XAB2: variants seen among roughly 807,000 people sequenced by gnomAD.
XAB2 encodes the protein XPA binding protein 2.
In XAB2, 57 loss-of-function variants were observed where a neutral mutation model predicts 113.4. That is an observed-to-expected ratio of 0.50 (90% CI 0.41 to 0.63). The LOEUF (loss-of-function observed/expected upper bound fraction) is 0.63, where lower values mean the gene tolerates loss of function less well. Among genes scored for constraint, XAB2 ranks in the 20% least tolerant of loss-of-function variants. XAB2 has a pLI of 0.00. For missense variants in XAB2, 1,037 were observed against 1,233.3 expected, an observed-to-expected ratio of 0.84 and a Z score of 2.38; for synonymous variants, 497 against 498.8, an observed-to-expected ratio of 1.00 and a Z score of 0.05.
Position 7,620,294 on chromosome 19 carries a change from C to G in XAB2, c.2247G>C (p.Ser749=). 6.2e-7 allele frequency: 1 copy of G among 1,613,472 alleles called. No homozygotes were observed. The highest frequency in any genetic ancestry group is 8.5e-7 in the Non-Finnish European group (1 of 1,180,010). ...NFMASQMLKV[S]GSATGTVSDL... The stretch of plus-strand genomic sequence containing the variant: ...GCTCACCGGTGCCCGTGGCACTGCC[C>G]GAGACCTTGAGCATCTGCGAGGCCA... The change falls in exon 16 of 19, where the codon TCG becomes TCC. Residue 749 remains serine (S), a synonymous_variant. Transcript: ENST00000358368.
rs1269020298 is a variant in XAB2 at position 7,623,927 on chromosome 19, C to T, written c.968-45G>A. 8.7e-6 allele frequency: 13 copies of T among 1,497,612 alleles called. No homozygotes were observed. The East Asian group carries it at 3.0e-4, about 34-fold the overall frequency. The allele number at this position is 1,497,612 out of a possible 1,614,324, so 92.8% of individuals were successfully genotyped here. A position where few individuals can be genotyped will look rare whatever the true frequency, so the allele number is the denominator to read the frequency against. ...TTGTCAGGGGCGGAGACCCAGGATG[C>T]AGGTCCCCGGATGCCACCGCCTCCA... On this transcript the variant is annotated intron_variant, in intron 7 of 18. Coordinates refer to ENST00000358368, the MANE Select transcript of XAB2 (RefSeq NM_020196.3). This position sits in a 1 kb window ranked among gnomAD's most constrained non-coding sequence, Gnocchi z 4.6.
At position 7,624,499 on chromosome 19, in the gene XAB2, A is replaced by G. The variant is rs949731072; in HGVS notation, c.823-54T>C. 10 of 1,610,780 alleles carry G rather than the reference A, an allele frequency of 6.2e-6. No individual in the cohort carries two copies. In the Admixed American group the frequency reaches 1.3e-4, roughly 21 times the overall value. ...GAGGAAAGTGGCGCAGGGGACAGGC[A>G]GCAGCACTCTTAGCACCAGCCTCAA... On this transcript the variant is annotated intron_variant, in intron 6 of 18. Coordinates refer to ENST00000358368, the MANE Select transcript of XAB2 (RefSeq NM_020196.3). The surrounding 1 kb of genome is among the most constrained non-coding windows in gnomAD (Gnocchi z 4.2).
In XAB2 at chr19:7,623,058, GCA is replaced by G. The variant is rs2031068967; in HGVS notation, c.1239+110_1239+111del. 1 of 1,559,134 alleles carries G rather than the reference GCA, an allele frequency of 6.4e-7. No individual in the cohort carries two copies. The highest frequency in any genetic ancestry group is 8.7e-7 in the Non-Finnish European group (1 of 1,153,428). On this transcript the variant is annotated intron_variant, in intron 9 of 18. Coordinates refer to ENST00000358368, the MANE Select transcript of XAB2 (RefSeq NM_020196.3). The surrounding 1 kb of genome is among the most constrained non-coding windows in gnomAD (Gnocchi z 4.6). ...CATATGCATGCACCCAAATGCACATGCACACACACGTGCACACATCCATGCAC... is the reference window on the plus strand; with the variant it reads ...CATATGCATGCACCCAAATGCACATGCACACACGTGCACACATCCATGCAC...
chr19:7,625,816 T>C lies in XAB2; in HGVS notation c.822+64A>G. 1 of 1,538,442 alleles carries C rather than the reference T, an allele frequency of 6.5e-7. No homozygotes were observed. Among genetic ancestry groups the C allele is most frequent in the South Asian group, 1.3e-5 (1 of 79,874 alleles). On this transcript the variant is annotated intron_variant, in intron 6 of 18. Coordinates refer to ENST00000358368, the MANE Select transcript of XAB2 (RefSeq NM_020196.3). This position sits in a 1 kb window ranked among gnomAD's most constrained non-coding sequence, Gnocchi z 5.2. ...TTTTCTGCCTGTGCATGTGTCAACA[T>C]GTGTCCCCGAGTGTCGGAGGGAGAC...
In XAB2 at chr19:7,628,108, G is replaced by T. The variant is rs767764134; in HGVS notation, c.200+42C>A. The T allele has an allele frequency of 2.0e-5, 32 of 1,591,100 alleles. No homozygotes were observed. Among genetic ancestry groups the T allele is most frequent in the Non-Finnish European group, 2.6e-5 (30 of 1,168,948 alleles). On this transcript the variant is annotated intron_variant, in intron 2 of 18. Transcript: ENST00000358368. This position sits in a 1 kb window ranked among gnomAD's most constrained non-coding sequence, Gnocchi z 4.6. Reference sequence around the variant, plus strand: ...CAGTTTTGTTATAACTGGACCAGGTGGGGTGGGGGCTGGTGGGCAGGGCAG... The same window carrying T: ...CAGTTTTGTTATAACTGGACCAGGTTGGGTGGGGGCTGGTGGGCAGGGCAG...
At position 7,622,764 on chromosome 19, in the gene XAB2, G is replaced by A. The variant is rs887150382; in HGVS notation, c.1369C>T (p.Arg457Ter). 3 of 1,613,946 alleles carry A rather than the reference G, an allele frequency of 1.9e-6. No individual in the cohort carries two copies. Among genetic ancestry groups the A allele is most frequent in the Non-Finnish European group, 2.5e-6 (3 of 1,180,002 alleles). ...ENYDEALRLL[R>*]KATALPARRA... ...CCACAGCCTGGGCCTGTTCTCACTC[G>A]CAGCAGCCGCAAGGCCTCATCGTAG... The change falls in exon 10 of 19, where the codon CGA becomes TGA. Residue 457 changes from arginine (R) to a stop codon, truncating the protein, a stop_gained and splice_region_variant. Transcript: ENST00000358368. LOFTEE classifies it high-confidence loss of function.
intron 13 of XAB2, 40 bp downstream of exon 13, chr19:7,621,095 G>GGGCCCCCCCCCCCCCCCCCCCCCCC: frequency 1.3e-6 from 2 of 1,486,316 alleles, no homozygotes; most frequent in Non-Finnish European, 1.8e-6. Flanking sequence ...CAGAAACCCA[G>GGGCCCCCCCCCCCCCCCCCCCCCCC]CCCGCCCGCC....
chr19:7,621,139 G>C lies in XAB2; in HGVS notation c.1776C>G (p.Ala592=). Residue 592 remains alanine, a synonymous_variant, in exon 13 of 19, where the codon GCC becomes GCG. Transcript: ENST00000358368. ...QALDGCPPKY[A]KTLYLLYAQL... ...CATGCCCTCTGCCCGCCTCACTCTT[G>C]GCATATTTTGGGGGGCAGCCGTCCA... 1 of 1,424,626 alleles carries C rather than the reference G, an allele frequency of 7.0e-7. No homozygotes were observed. The highest frequency in any genetic ancestry group is 9.4e-7 in the Non-Finnish European group (1 of 1,063,024). 88.2% of individuals were successfully genotyped at this position (1,424,626 alleles called of 1,614,324 possible).
Position 7,622,356 on chromosome 19 carries a change from T to A in XAB2, c.1592A>T (p.His531Leu). Reference protein sequence around the residue: ...VINYAMFLEEHKYFEESFKAY... With the variant: ...VINYAMFLEELKYFEESFKAY... ...CTTGAAGCTCTCCTCGAAGTACTTG[T>A]GCTCCTCCAGGAACATGGCATAGTT... The change falls in exon 12 of 19, where the codon CAC becomes CTC. Residue 531 changes from histidine (H) to leucine (L), a missense_variant. By Grantham distance (99) the His-to-Leu change is moderately conservative (BLOSUM62 -3). Transcript: ENST00000358368. The A allele has an allele frequency of 1.2e-6, 2 of 1,614,158 alleles. No homozygotes were observed. The highest frequency in any genetic ancestry group is 1.7e-6 in the Non-Finnish European group (2 of 1,180,026).
chr19:7,622,843 A>G lies in XAB2; in HGVS notation c.1290T>C (p.Asp430=), dbSNP rs1458115240. 6.2e-7 allele frequency: 1 copy of G among 1,613,880 alleles called. No individual in the cohort carries two copies. Among genetic ancestry groups the G allele is most frequent in the Admixed American group, 1.7e-5 (1 of 59,998 alleles). The stretch of plus-strand genomic sequence containing the variant: ...ACTGACACCACACGCTTGCCAGGTC[A>G]TCCACCTGCTTGAAGTTCACCTTGG... ...KATKVNFKQV[D]DLASVWCQCG... The change falls in exon 10 of 19, where the codon GAT becomes GAC. Residue 430 remains aspartate (D), a synonymous_variant. Transcript: ENST00000358368.
rs535849581 is a variant in XAB2 at position 7,627,862 on chromosome 19, G to A, written c.201-11C>T. On this transcript the variant is annotated splice_polypyrimidine_tract_variant and intron_variant, in intron 2 of 18. Coordinates refer to ENST00000358368, the MANE Select transcript of XAB2 (RefSeq NM_020196.3). The surrounding 1 kb of genome is among the most constrained non-coding windows in gnomAD (Gnocchi z 4.5). ...TACCAGAGTTTGTAGCTGGGGAATA[G>A]GAGGGGACAGATGCTGATCGGTCAG... 1 of 1,610,450 alleles carries A rather than the reference G, an allele frequency of 6.2e-7. No homozygotes were observed. Among genetic ancestry groups the A allele is most frequent in the Admixed American group, 1.7e-5 (1 of 59,962 alleles).
At position 7,624,408 on chromosome 19, in the gene XAB2, A is replaced by G. The variant is rs768057415; in HGVS notation, c.860T>C (p.Met287Thr). The G allele has an allele frequency of 6.2e-7, 1 of 1,614,142 alleles. No homozygotes were observed. Among genetic ancestry groups the G allele is most frequent in the Non-Finnish European group, 8.5e-7 (1 of 1,179,996 alleles). Residue 287 changes from methionine (M) to threonine (T), a missense_variant, in exon 7 of 19, where the codon ATG (methionine) becomes ACG (threonine). By Grantham distance (81) the Met-to-Thr change is moderately conservative (BLOSUM62 -1). Coordinates refer to ENST00000358368, the MANE Select transcript of XAB2 (RefSeq NM_020196.3). This position sits in a 1 kb window ranked among gnomAD's most constrained non-coding sequence, Gnocchi z 4.2. ...DVYEEAIRTV[M>T]TVRDFTQVFD... ...CACCTGTGTGAAGTCCCGCACGGTC[A>G]TCACTGTCCGGATGGCCTCCTCGTA...
At position 7,627,720 on chromosome 19, in the gene XAB2, C is replaced by T; in HGVS notation, c.324+8G>A. The T allele has an allele frequency of 1.9e-6, 3 of 1,613,916 alleles. No homozygotes were observed. The highest frequency in any genetic ancestry group is 2.5e-6 in the Non-Finnish European group (3 of 1,179,940). ...CTTCCCGATTCATCCCCTCGCCGAG[C>T]CCCAAACCTTGTGCATGAACACAAA... On this transcript the variant is annotated splice_region_variant and intron_variant, in intron 3 of 18. Transcript: ENST00000358368. The surrounding 1 kb of genome is among the most constrained non-coding windows in gnomAD (Gnocchi z 4.5).
At chr19:7,619,711 G>C (rs1382811577) in intron 18 of XAB2, 36 bp downstream of exon 18, 2 of 1,611,150 alleles carry the variant, frequency 1.2e-6, no homozygotes, top group Non-Finnish European at 1.7e-6. Context: ...GCCCACCCTG[G>C]TAATGCCACC....
At position 7,623,115 on chromosome 19, in the gene XAB2, T is replaced by C. The variant is rs560743467; in HGVS notation, c.1239+55A>G. On this transcript the variant is annotated intron_variant, in intron 9 of 18. Transcript: ENST00000358368. This position sits in a 1 kb window ranked among gnomAD's most constrained non-coding sequence, Gnocchi z 4.6. The stretch of plus-strand genomic sequence containing the variant: ...ATGTACACACACATACATGCACACA[T>C]ATACAAGCACACACACATGCATGAA... 535 of 1,602,624 alleles carry C rather than the reference T, an allele frequency of 3.3e-4. No homozygotes were observed. Among genetic ancestry groups the C allele is most frequent in the Non-Finnish European group, 4.3e-4 (502 of 1,174,042 alleles).
chr19:7,620,515 A>G (rs1282354912), intron 15 of XAB2, 32 bp downstream of exon 15: 1 of 1,612,490 alleles, frequency 6.2e-7, no homozygotes, highest in Admixed American at 1.7e-5. Context: ...GCAGCCCCCA[A>G]CCCTGATACC....
rs1374838495 is a variant in XAB2, at chr19:7,619,662, G to A, written c.2507-15C>T. The A allele has an allele frequency of 4.4e-6, 7 of 1,603,194 alleles. No homozygotes were observed. The Admixed American group carries it at 1.0e-4, about 23-fold the overall frequency. On this transcript the variant is annotated splice_polypyrimidine_tract_variant and intron_variant, in intron 18 of 18. Coordinates refer to ENST00000358368, the MANE Select transcript of XAB2 (RefSeq NM_020196.3). ...CAGCCGAACCTCTGTGGGGAAGGCG[G>A]GAGCCAGTCACCCTCCTGGCGTTGG... is the stretch of plus-strand genomic sequence containing the variant.
rs2031097261 is a variant in XAB2 at position 7,624,383 on chromosome 19, C to T, written c.885G>A (p.Val295=). The T allele has an allele frequency of 6.2e-7, 1 of 1,614,204 alleles. No individual in the cohort carries two copies. Residue 295 remains valine (V), a synonymous_variant, in exon 7 of 19, where the codon GTG becomes GTA. Coordinates refer to ENST00000358368, the MANE Select transcript of XAB2 (RefSeq NM_020196.3). This position sits in a 1 kb window ranked among gnomAD's most constrained non-coding sequence, Gnocchi z 4.2. The stretch of plus-strand genomic sequence containing the variant: ...CCTCGAACTGGGCGTAGCTGTCAAA[C>T]ACCTGTGTGAAGTCCCGCACGGTCA... ...TVMTVRDFTQ[V]FDSYAQFEES...
In XAB2 at chr19:7,624,242, C is replaced by T; in HGVS notation, c.967+59G>A. The T allele has an allele frequency of 1.2e-6, 2 of 1,603,362 alleles. No individual in the cohort carries two copies. Among genetic ancestry groups the T allele is most frequent in the Middle Eastern group, 1.7e-4 (1 of 5,744 alleles). ...CTGCCTCACCTGAGATGTGTCCCGC[C>T]CCTACCGCTAATGTCCACTCAGCTC... On this transcript the variant is annotated intron_variant, in intron 7 of 18. Coordinates refer to ENST00000358368, the MANE Select transcript of XAB2 (RefSeq NM_020196.3). The surrounding 1 kb of genome is among the most constrained non-coding windows in gnomAD (Gnocchi z 4.2).
Sources: gnomAD v4.1 joint callset for allele counts on GRCh38, gnomAD v4.1.1 for gene constraint, Gnocchi (gnomAD v3.1) non-coding constraint, MANE v1.5 for transcripts, NCBI Gene and HGNC (gene_info 2026-07-23, HGNC 2026-07-21) for gene names.